The following TBC1D5 variants were observed in gnomAD, a reference collection of about 807,000 sequenced individuals.
TBC1D5 encodes TBC1 domain family, member 5.
In TBC1D5, 75 loss-of-function variants were observed where a neutral mutation model predicts 100.3. The observed-to-expected ratio is 0.75, with a 90% CI of 0.62 to 0.91. The LOEUF is 0.91. Among genes scored for constraint, TBC1D5 ranks in the 40% least tolerant of loss-of-function variants. The pLI is 0.00. For synonymous variants in TBC1D5, 323 were observed against 325.6 expected (o/e 0.99, Z 0.09); for missense variants, 910 against 942.4 (o/e 0.97, Z 0.45).
chr3:17,357,072 T>C (rs1421661751), intron 13 of TBC1D5, among the ~76,000 whole-genome samples: 6 of 152,160 alleles, frequency 3.9e-5, no homozygotes, highest in Non-Finnish European at 2.9e-5. Context: ...AAAAAAACTC[T>C]TCCCATGTTT....
At chr3:17,203,355 T>A (rs144654860) in intron 18 of TBC1D5, among the ~76,000 whole-genome samples, 3,286 of 152,308 alleles carry the variant, frequency 0.022, 55 homozygotes, top group South Asian at 0.049. Flanking sequence ...AGTTTTTAAT[T>A]TTACAGGCTC....
intron 13 of TBC1D5, among the ~76,000 whole-genome samples, chr3:17,314,743 G>A (rs956222428): frequency 3.3e-5 from 5 of 152,152 alleles, no homozygotes; most frequent in African/African-American, 9.7e-5. Flanking sequence ...GTTTCCTGTC[G>A]ATATTTTGGC....
chr3:17,428,429 ATATATG>A lies in TBC1D5; in HGVS notation c.167+15_167+20del. 1.5e-6 allele frequency: 1 copy of A among 665,484 alleles called. No individual in the cohort carries two copies. The highest frequency in any genetic ancestry group is 2.2e-6 in the Non-Finnish European group (1 of 445,438). The allele number at this position is 665,484 out of a possible 1,614,324, so 41.2% of individuals were successfully genotyped here. A position where few individuals can be genotyped will look rare whatever the true frequency, so the allele number is the denominator to read the frequency against. ...TGTGTGTGTATATATATATATATAT[ATATATG>A]TATTCATCACCTACCTATAGGAATT... On this transcript the variant is annotated intron_variant, in intron 4 of 21. Transcript: ENST00000253692.
Position 17,631,215 on chromosome 3 carries a change from C to T in TBC1D5, c.-100-7302G>A, listed in dbSNP as rs1303620497. Among the ~76,000 whole-genome samples, 3 of 152,122 alleles carry T rather than the reference C, an allele frequency of 2.0e-5. No homozygotes were observed. The East Asian group carries it at 5.8e-4, about 29-fold the overall frequency. On this transcript the variant is annotated intron_variant, in intron 1 of 21. Transcript: ENST00000253692. ...GAAAGCATGTGTGGTCTAAACAGAA[C>T]ATCAAAACAGCCACAACATCCCCTT...
At chr3:17,170,774 AAG>A (rs1292506832) in intron 19 of TBC1D5, among the ~76,000 whole-genome samples, 2 of 152,262 alleles carry the variant, frequency 1.3e-5, no homozygotes, top group East Asian at 3.9e-4. Context: ...TCAAACACCA[AAG>A]AGAGATGTGA....
At chr3:17,705,937 C>T in intron 1 of TBC1D5, 1 of 1,199,660 alleles carries the variant, frequency 8.3e-7, no homozygotes, top group Middle Eastern at 2.9e-4. Context: ...CCGTCCGCTC[C>T]TCCAGCCGCT....
intron 3 of TBC1D5, among the ~76,000 whole-genome samples, chr3:17,486,401 G>C (rs2095568840): frequency 6.6e-6 from 1 of 152,178 alleles, no homozygotes; most frequent in South Asian, 2.1e-4. Flanking sequence ...TTTTAGACTT[G>C]AAGTCCTTGC....
intron 1 of TBC1D5, among the ~76,000 whole-genome samples, chr3:17,709,038 C>T (rs1577687694): frequency 6.6e-6 from 1 of 152,032 alleles, no homozygotes; most frequent in East Asian, 1.9e-4. Flanking sequence ...CTGTTAGGCC[C>T]TTTTTTCTTG....
chr3:17,319,471 T>G (rs145295060), intron 13 of TBC1D5, among the ~76,000 whole-genome samples: 58 of 151,226 alleles, frequency 3.8e-4, no homozygotes, highest in African/African-American at 1.3e-3. Context: ...GAAAAAGAAC[T>G]TAAAAGTTTA....
At chr3:17,675,927 T>C (rs2068565160) in intron 1 of TBC1D5, among the ~76,000 whole-genome samples, 1 of 152,168 alleles carries the variant, frequency 6.6e-6, no homozygotes, top group Non-Finnish European at 1.5e-5. Flanking sequence ...CTATATGATA[T>C]TGTTATACTC....
At chr3:17,253,850 C>T (rs1447266535) in intron 16 of TBC1D5, among the ~76,000 whole-genome samples, 3 of 152,158 alleles carry the variant, frequency 2.0e-5, no homozygotes, top group Admixed American at 1.3e-4. Flanking sequence ...TTGAACTACA[C>T]GGGTGCACTT....
intron 13 of TBC1D5, among the ~76,000 whole-genome samples, chr3:17,318,596 C>T (rs2084991417): frequency 6.6e-6 from 1 of 152,118 alleles, no homozygotes; most frequent in Admixed American, 6.5e-5. Context: ...ACTGATATAT[C>T]AACAAAGGAA....
intron 2 of TBC1D5, among the ~76,000 whole-genome samples, chr3:17,623,256 C>G (rs1161036097): frequency 2.0e-5 from 3 of 152,144 alleles, no homozygotes; most frequent in Admixed American, 6.6e-5. Flanking sequence ...ATCTAGGACG[C>G]TCTCAGGTAA....
At chr3:17,588,770 A>G (rs1466122868) in intron 2 of TBC1D5, among the ~76,000 whole-genome samples, 1 of 152,232 alleles carries the variant, frequency 6.6e-6, no homozygotes, top group Non-Finnish European at 1.5e-5. Flanking sequence ...AGGAGTTTTC[A>G]TAAATACACT....
chr3:17,284,078 A>G (rs1482753970), intron 15 of TBC1D5, among the ~76,000 whole-genome samples: 1 of 141,658 alleles, frequency 7.1e-6, no homozygotes, highest in East Asian at 2.1e-4. Flanking sequence ...TTCTACCCTC[A>G]CTCATTATTT....
At chr3:17,698,117 G>A (rs1401398501) in intron 1 of TBC1D5, among the ~76,000 whole-genome samples, 1 of 151,968 alleles carries the variant, frequency 6.6e-6, no homozygotes, top group African/African-American at 2.4e-5. Context: ...AAAGCTGGAG[G>A]CATCATGCTA....
intron 1 of TBC1D5, among the ~76,000 whole-genome samples, chr3:17,703,742 A>G (rs1007785064): frequency 2.0e-5 from 3 of 152,140 alleles, no homozygotes; most frequent in African/African-American, 7.2e-5. Context: ...CAATGACCTC[A>G]TACATATGAG....
intron 1 of TBC1D5, among the ~76,000 whole-genome samples, chr3:17,735,618 A>T (rs753480861): frequency 6.6e-6 from 1 of 152,216 alleles, no homozygotes; most frequent in African/African-American, 2.4e-5. Flanking sequence ...GCCATGGGTC[A>T]CAGAAGAGAA....
intron 16 of TBC1D5, among the ~76,000 whole-genome samples, chr3:17,238,840 G>A (rs916542515): frequency 2.0e-5 from 3 of 152,172 alleles, no homozygotes; most frequent in Non-Finnish European, 4.4e-5. Flanking sequence ...CCTCACAGAA[G>A]GGGGCATCTA....
Sources: allele counts gnomAD v4.1 joint callset (sites outside exome capture counted in the v4.1 genomes callset), GRCh38; gene constraint gnomAD v4.1.1; transcripts MANE v1.5; gene names NCBI Gene and HGNC (gene_info 2026-07-23, HGNC 2026-07-21).